The following GLRA2 variants were observed in gnomAD, a reference collection of about 807,000 sequenced individuals.
GLRA2 encodes the protein glycine receptor alpha 2, also known as glycine receptor subunit alpha-2.
A neutral mutation model predicts 31.6 loss-of-function variants in GLRA2; 11 were observed. The observed-to-expected ratio is 0.35, with a 90% CI of 0.22 to 0.58. The LOEUF is 0.58. Among genes scored for constraint, GLRA2 ranks in the 20% least tolerant of loss-of-function variants. The pLI is 0.84. For synonymous variants in GLRA2, 132 were observed against 134.0 expected (o/e 0.99, Z 0.10); for missense variants, 212 against 351.8 (o/e 0.60, Z 3.18).
intron 8 of GLRA2, among the ~76,000 whole-genome samples, chrX:14,691,388 T>G (rs2091359265): frequency 9.1e-6 from 1 of 110,409 alleles, no homozygotes; most frequent in African/African-American, 3.3e-5. Context: ...GCTCTGGCTT[T>G]ATGTAAATTA....
rs184874550 is a variant in GLRA2, at chrX:14,596,540, G to A, written c.495-7775G>A. On this transcript the variant is annotated intron_variant, in intron 4 of 8. Coordinates refer to ENST00000218075, the MANE Select transcript of GLRA2 (RefSeq NM_002063.4). ...AGGCTAACTGTCCTACCCTAATGTC[G>A]AGAGGCTGAGGGAGGAGAATCGCTT... is the stretch of plus-strand genomic sequence containing the variant. Among the ~76,000 whole-genome samples, 294 of 110,509 alleles carry A rather than the reference G, an allele frequency of 2.7e-3. 2 individuals carry two copies. In the South Asian group the frequency reaches 0.046, roughly 17 times the overall value.
chrX:14,524,147 A>G, the GLRA2 span, among the ~76,000 whole-genome samples: 1 of 112,491 alleles, frequency 8.9e-6, no homozygotes, highest in African/African-American at 3.2e-5. Flanking sequence ...GAAACAATAA[A>G]GCAAATTGTA....
At chrX:14,491,900 C>T in the GLRA2 span, among the ~76,000 whole-genome samples, 2 of 111,766 alleles carry the variant, frequency 1.8e-5, no homozygotes, top group African/African-American at 6.5e-5. Flanking sequence ...CATTGTGACT[C>T]ATGCCTACCA....
chrX:14,717,329 TCTTCA>T (rs1321464945), intron 8 of GLRA2, among the ~76,000 whole-genome samples: 2 of 100,037 alleles, frequency 2.0e-5, no homozygotes, highest in Non-Finnish European at 4.1e-5. Flanking sequence ...TCTGCCAATT[TCTTCA>T]CTTAAGAAAG....
At chrX:14,717,740 T>TA (rs199836154) in intron 8 of GLRA2, among the ~76,000 whole-genome samples, 19,881 of 78,208 alleles carry the variant, frequency 0.25, 1,862 homozygotes, top group Middle Eastern at 0.32. Flanking sequence ...TTCTGTAAAG[T>TA]AAAAAAAAAA....
the GLRA2 span, among the ~76,000 whole-genome samples, chrX:14,518,847 GA>G: frequency 0.015 from 1,402 of 91,804 alleles, 14 homozygotes; most frequent in African/African-American, 0.038. Flanking sequence ...CGTCTCTACT[GA>G]AAAAAAAAAA....
intron 8 of GLRA2, among the ~76,000 whole-genome samples, chrX:14,697,074 A>T (rs1024977274): frequency 7.8e-5 from 8 of 102,901 alleles, no homozygotes; most frequent in Non-Finnish European, 1.0e-4. Flanking sequence ...TTTTTAAAAA[A>T]GTCTGAACCA....
rs1306622614 is a variant in GLRA2, at chrX:14,559,684, G to T, written c.203-14649G>T. Among the ~76,000 whole-genome samples, 8 of 109,400 alleles carry T rather than the reference G, an allele frequency of 7.3e-5. No individual in the cohort carries two copies. In the Admixed American group the frequency reaches 7.8e-4, roughly 11 times the overall value. ...TCCACCCACCTTGGCCTCCCAAAGT[G>T]CTGGGATTATAGACATGAGCCACCG... is the stretch of plus-strand genomic sequence containing the variant. On this transcript the variant is annotated intron_variant, in intron 2 of 8. Transcript: ENST00000218075.
chrX:14,589,004 G>C (rs982652151), intron 4 of GLRA2, among the ~76,000 whole-genome samples: 1 of 111,769 alleles, frequency 8.9e-6, no homozygotes, highest in Admixed American at 9.5e-5. Flanking sequence ...TCTAGGTATA[G>C]AATCATATCA....
chrX:14,702,979 TG>T (rs755529981), intron 8 of GLRA2, among the ~76,000 whole-genome samples: 15 of 110,877 alleles, frequency 1.4e-4, no homozygotes, highest in Admixed American at 1.2e-3. Flanking sequence ...AGCTGCACAG[TG>T]GGGGAGCCTC....
rs762262489 is a variant in GLRA2 at position 14,669,730 on chromosome X, A to C, written c.931-20980A>C. On this transcript the variant is annotated intron_variant, in intron 7 of 8. Transcript: ENST00000218075. Reference sequence around the variant, plus strand: ...CCCAAGGCTGCATGCTGCAAACAGCACAGGGACCCCAGGCCCAACCCATGA... The same window carrying C: ...CCCAAGGCTGCATGCTGCAAACAGCCCAGGGACCCCAGGCCCAACCCATGA... Among the ~76,000 whole-genome samples, 218 of 111,759 alleles carry C rather than the reference A, an allele frequency of 2.0e-3. 2 individuals carry two copies. Among genetic ancestry groups the C allele is most frequent in the Non-Finnish European group, 2.9e-3 (152 of 53,127 alleles).
At chrX:14,600,095 A>T (rs1484777635) in intron 4 of GLRA2, among the ~76,000 whole-genome samples, 1 of 111,315 alleles carries the variant, frequency 9.0e-6, no homozygotes, top group African/African-American at 3.3e-5. Context: ...AGATTCAGGG[A>T]TAGGGTCATG....
the GLRA2 span, among the ~76,000 whole-genome samples, chrX:14,460,302 A>G: frequency 1.8e-5 from 2 of 112,192 alleles, no homozygotes; most frequent in Non-Finnish European, 3.8e-5. Flanking sequence ...TTTCACATCA[A>G]TGTTCATCAG....
intron 7 of GLRA2, among the ~76,000 whole-genome samples, chrX:14,622,069 T>G (rs1398532070): frequency 8.9e-6 from 1 of 112,130 alleles, no homozygotes; most frequent in African/African-American, 3.2e-5. Flanking sequence ...TGGTGTGAGA[T>G]GTATCTCATT....
intron 8 of GLRA2, among the ~76,000 whole-genome samples, chrX:14,709,691 T>C (rs2091684732): frequency 1.8e-5 from 2 of 111,917 alleles, no homozygotes; most frequent in Admixed American, 1.9e-4. Flanking sequence ...TAATGGAGCA[T>C]AGACTGTGTT....
chrX:14,702,982 G>C (rs2091566423), intron 8 of GLRA2, among the ~76,000 whole-genome samples: 1 of 111,327 alleles, frequency 9.0e-6, no homozygotes, highest in African/African-American at 3.3e-5. Flanking sequence ...TGCACAGTGG[G>C]GGAGCCTCTG....
At chrX:14,606,841 C>G (rs2090339559) in intron 5 of GLRA2, among the ~76,000 whole-genome samples, 1 of 111,955 alleles carries the variant, frequency 8.9e-6, no homozygotes, top group African/African-American at 3.2e-5. Flanking sequence ...GTTTGTTCTT[C>G]AGAAAGAGTT....
At chrX:14,573,645 T>C (rs1032762489) in intron 2 of GLRA2, among the ~76,000 whole-genome samples, 3 of 109,366 alleles carry the variant, frequency 2.7e-5, no homozygotes, top group African/African-American at 1.0e-4. Context: ...TCTCTGGAGA[T>C]AACAATGGAC....
chrX:14,454,387 C>A, the GLRA2 span, among the ~76,000 whole-genome samples: 2 of 111,026 alleles, frequency 1.8e-5, no homozygotes, highest in African/African-American at 6.5e-5. Context: ...TTATTTCTTA[C>A]AACTGCATGG....
Sources: gnomAD v4.1 joint callset for allele counts (sites outside exome capture counted in the v4.1 genomes callset) on GRCh38, gnomAD v4.1.1 for gene constraint, MANE v1.5 for transcripts, NCBI Gene and HGNC (gene_info 2026-07-23, HGNC 2026-07-21) for gene names.